The following TOM1L2 variants were observed in gnomAD, a reference collection of about 807,000 sequenced individuals.
TOM1L2 encodes the protein target of myb1 like 2 membrane trafficking protein.
In TOM1L2, 31 loss-of-function variants were observed where a neutral mutation model predicts 67.9. That is an observed-to-expected ratio of 0.46 (90% CI 0.34 to 0.62). The LOEUF (loss-of-function observed/expected upper bound fraction) is 0.62. Among genes scored for constraint, TOM1L2 ranks in the 20% least tolerant of loss-of-function variants. TOM1L2 has a pLI of 0.01. For missense variants in TOM1L2, 606 were observed against 663.5 expected (o/e 0.91, Z 0.95); for synonymous variants, 256 against 254.0 (o/e 1.01, Z -0.07).
At chr17:17,969,602 C>A (rs2041992908) in intron 1 of TOM1L2, among the ~76,000 whole-genome samples, 1 of 152,088 alleles carries the variant, frequency 6.6e-6, no homozygotes, top group South Asian at 2.1e-4. Flanking sequence ...AGTGGGGAGC[C>A]ATCATCATCT....
intron 13 of TOM1L2, 46 bp from the exon 14 acceptor site, chr17:17,848,905 A>C (rs1598165995): frequency 6.2e-7 from 1 of 1,610,708 alleles, no homozygotes; most frequent in Non-Finnish European, 8.5e-7. Context: ...TGGTCCAAGC[A>C]CTGCCCGCCC....
At chr17:17,924,136 C>CAAACAA (rs57147966) in intron 1 of TOM1L2, among the ~76,000 whole-genome samples, 6 of 152,126 alleles carry the variant, frequency 3.9e-5, no homozygotes, top group African/African-American at 1.4e-4. Flanking sequence ...GACTCTGTCT[C>CAAACAA]AAACAAAAAC....
At chr17:17,898,339 T>C (rs573917655) in intron 3 of TOM1L2, among the ~76,000 whole-genome samples, 1 of 152,316 alleles carries the variant, frequency 6.6e-6, no homozygotes, top group South Asian at 2.1e-4. Context: ...GCTCTGGGCT[T>C]CTGTACCTGA....
intron 13 of TOM1L2, 111 bp from the exon 14 acceptor site, chr17:17,848,970 G>C: frequency 1.0e-6 from 1 of 969,188 alleles, no homozygotes. Context: ...AGGGTAGCCT[G>C]AACAAAACTT....
At chr17:17,880,562 A>G (rs1457229708) in intron 6 of TOM1L2, among the ~76,000 whole-genome samples, 1 of 152,226 alleles carries the variant, frequency 6.6e-6, no homozygotes, top group Non-Finnish European at 1.5e-5. Flanking sequence ...TCATAGAAGA[A>G]TCTGCATAGA....
chr17:17,933,245 G>A (rs1365254422), intron 1 of TOM1L2, among the ~76,000 whole-genome samples: 2 of 152,140 alleles, frequency 1.3e-5, no homozygotes, highest in Non-Finnish European at 2.9e-5. Context: ...CTATAAAGCA[G>A]GCAGGAAGAA....
chr17:17,886,872 T>C (rs7214028), intron 4 of TOM1L2, among the ~76,000 whole-genome samples: 8,727 of 152,250 alleles, frequency 0.057, 706 homozygotes, highest in African/African-American at 0.18. Context: ...GTTGGGCCAA[T>C]CAGATGCTCC....
At chr17:17,943,206 C>T (rs1022367006) in intron 1 of TOM1L2, among the ~76,000 whole-genome samples, 1 of 152,208 alleles carries the variant, frequency 6.6e-6, no homozygotes, top group Admixed American at 6.5e-5. Context: ...AAGGCAGAAG[C>T]AGGTCTCAAA....
intron 1 of TOM1L2, among the ~76,000 whole-genome samples, chr17:17,928,518 C>T (rs188233856): frequency 4.1e-4 from 63 of 152,328 alleles, no homozygotes; most frequent in Middle Eastern, 3.4e-3. Flanking sequence ...ACACAGAAGG[C>T]GACACCCTCC....
chr17:17,910,602 C>T (rs1392040565), intron 1 of TOM1L2, among the ~76,000 whole-genome samples: 2 of 152,088 alleles, frequency 1.3e-5, no homozygotes, highest in African/African-American at 4.8e-5. Flanking sequence ...CAGAGTCTCA[C>T]TCCATTGTGC....
intron 1 of TOM1L2, among the ~76,000 whole-genome samples, chr17:17,969,951 C>A (rs550123412): frequency 6.6e-6 from 1 of 152,170 alleles, no homozygotes; most frequent in Admixed American, 6.5e-5. Flanking sequence ...GAAATGGGGG[C>A]CAGGTCAAAA....
intron 1 of TOM1L2, among the ~76,000 whole-genome samples, chr17:17,969,807 T>G (rs1478466392): frequency 1.9e-4 from 29 of 152,216 alleles, no homozygotes; most frequent in Admixed American, 1.9e-3. Context: ...CTATGCTAAG[T>G]GTTTTCATAC....
At chr17:17,919,662 C>G (rs180882891) in intron 1 of TOM1L2, among the ~76,000 whole-genome samples, 2 of 152,186 alleles carry the variant, frequency 1.3e-5, no homozygotes, top group African/African-American at 4.8e-5. Context: ...GGAGGGGCCA[C>G]GGTGTTGTTG....
chr17:17,944,512 T>C (rs1260432506), intron 1 of TOM1L2, among the ~76,000 whole-genome samples: 1 of 152,222 alleles, frequency 6.6e-6, no homozygotes, highest in Admixed American at 6.5e-5. Flanking sequence ...GATCAGAGAT[T>C]TGGTGTCTTA....
intron 12 of TOM1L2, among the ~76,000 whole-genome samples, chr17:17,854,836 A>G (rs1299107789): frequency 6.6e-6 from 1 of 152,118 alleles, no homozygotes. Flanking sequence ...ACCCAGCCTG[A>G]CATGCCATAG....
intron 1 of TOM1L2, among the ~76,000 whole-genome samples, chr17:17,968,559 G>C (rs1363358448): frequency 2.0e-5 from 3 of 152,046 alleles, no homozygotes; most frequent in Non-Finnish European, 2.9e-5. Flanking sequence ...CAGCTACTTG[G>C]GAGGCTGAGA....
At chr17:17,967,380 T>C (rs1349435578) in intron 1 of TOM1L2, among the ~76,000 whole-genome samples, 1 of 152,208 alleles carries the variant, frequency 6.6e-6, no homozygotes, top group African/African-American at 2.4e-5. Context: ...TTCTGAAAAC[T>C]TTTTCTAGCC....
chr17:17,931,890 C>T (rs2078396237), intron 1 of TOM1L2, among the ~76,000 whole-genome samples: 2 of 152,216 alleles, frequency 1.3e-5, no homozygotes, highest in South Asian at 4.1e-4. Context: ...TCTCCAAATA[C>T]CCATGCAAAT....
At chr17:17,884,927 T>C (rs1300991576) in intron 4 of TOM1L2, among the ~76,000 whole-genome samples, 159 bp from the exon 5 acceptor site, 1 of 152,232 alleles carries the variant, frequency 6.6e-6, no homozygotes, top group Non-Finnish European at 1.5e-5. Flanking sequence ...CTTCCGCAAC[T>C]GCTGCCACGA....
Sources: allele counts gnomAD v4.1 joint callset (sites outside exome capture counted in the v4.1 genomes callset), GRCh38; gene constraint gnomAD v4.1.1; transcripts MANE v1.5; gene names NCBI Gene and HGNC (gene_info 2026-07-23, HGNC 2026-07-21).